BICDL1: variants seen among roughly 807,000 people sequenced by gnomAD.
The protein encoded by BICDL1 is BICD family like cargo adaptor 1.
In BICDL1, 20 loss-of-function variants were observed where a neutral mutation model predicts 76.8. The observed-to-expected ratio is 0.26, with a 90% confidence interval of 0.18 to 0.38. The LOEUF (loss-of-function observed/expected upper bound fraction) is 0.38. Among genes scored for constraint, BICDL1 ranks in the 10% least tolerant of loss-of-function variants. The pLI is 1.00. For synonymous variants in BICDL1, 383 were observed against 337.1 expected (o/e 1.14, Z -1.49); for missense variants, 700 against 798.6 (o/e 0.88, Z 1.49).
rs190742369 is a variant in BICDL1, at chr12:119,990,322, G to A, written c.429+25G>A. The A allele has an allele frequency of 3.6e-5, 55 of 1,549,202 alleles. No homozygotes were observed. The African/African-American group carries it at 5.8e-4, about 16-fold the overall frequency. On this transcript the variant is annotated intron_variant, in intron 1 of 9. Coordinates refer to ENST00000548673, the MANE Select transcript of BICDL1 (RefSeq NM_001367886.1). ...GGTGAGGACCTCCCTCCAGGGATGG[G>A]TGGGGAGCAGGGGCCGCCCAGGCAC...
At chr12:120,027,681 C>T (rs903280294) in intron 2 of BICDL1, among the ~76,000 whole-genome samples, 1 of 152,184 alleles carries the variant, frequency 6.6e-6, no homozygotes, top group Admixed American at 6.5e-5. Context: ...CCAATTTGCA[C>T]TCTGCAGGTG....
intron 2 of BICDL1, among the ~76,000 whole-genome samples, chr12:120,031,170 A>T (rs1159498452): frequency 6.6e-6 from 1 of 150,934 alleles, no homozygotes; most frequent in Admixed American, 6.6e-5. Context: ...AGCACTATAT[A>T]CCTATCACCT....
chr12:120,001,241 T>G (rs564116133), intron 2 of BICDL1, among the ~76,000 whole-genome samples: 1 of 152,198 alleles, frequency 6.6e-6, no homozygotes, highest in East Asian at 1.9e-4. Context: ...GGCCATACTT[T>G]TCTTTTTCTT....
chr12:120,054,287 G>A (rs1387710083), intron 2 of BICDL1, among the ~76,000 whole-genome samples: 2 of 151,848 alleles, frequency 1.3e-5, no homozygotes, highest in East Asian at 3.9e-4. Flanking sequence ...GTTGGCCAGG[G>A]TGGTCTGGAA....
chr12:120,051,488 A>C (rs1952858731), intron 2 of BICDL1, among the ~76,000 whole-genome samples: 1 of 152,108 alleles, frequency 6.6e-6, no homozygotes, highest in Admixed American at 6.5e-5. Flanking sequence ...CCATGGGTAC[A>C]TGTTTGTTTT....
intron 2 of BICDL1, among the ~76,000 whole-genome samples, chr12:120,028,223 G>A (rs926772224): frequency 1.3e-5 from 2 of 152,072 alleles, no homozygotes; most frequent in Admixed American, 1.3e-4. Context: ...TACTGGTTTG[G>A]TAGATCTTCT....
At chr12:120,085,367 G>C (rs1439212502) in intron 8 of BICDL1, among the ~76,000 whole-genome samples, 1 of 152,096 alleles carries the variant, frequency 6.6e-6, no homozygotes, top group Non-Finnish European at 1.5e-5. Flanking sequence ...TTGCACCACT[G>C]CCCTCCAGCT....
chr12:120,027,829 C>T (rs1191000068), intron 2 of BICDL1, among the ~76,000 whole-genome samples: 4 of 152,210 alleles, frequency 2.6e-5, no homozygotes, highest in Non-Finnish European at 5.9e-5. Flanking sequence ...CAGAGGCTAA[C>T]ATCACTTAAC....
chr12:120,082,654 C>T (rs755505688), intron 8 of BICDL1, among the ~76,000 whole-genome samples: 4 of 152,154 alleles, frequency 2.6e-5, no homozygotes, highest in Non-Finnish European at 5.9e-5. Context: ...ACAATCATAG[C>T]TCACTGCAGC....
chr12:120,004,728 C>T (rs1448215841), intron 2 of BICDL1, among the ~76,000 whole-genome samples: 1 of 152,312 alleles, frequency 6.6e-6, no homozygotes, highest in East Asian at 1.9e-4. Context: ...ATAGGGTCGG[C>T]TTCTTAAGGA....
At chr12:120,040,673 C>T (rs1313486229) in intron 2 of BICDL1, among the ~76,000 whole-genome samples, 1 of 152,130 alleles carries the variant, frequency 6.6e-6, no homozygotes, top group East Asian at 1.9e-4. Flanking sequence ...GCCGCAGTCT[C>T]CCAAAGTGCT....
chr12:120,025,360 T>C (rs1313224037), intron 2 of BICDL1, among the ~76,000 whole-genome samples: 1 of 152,090 alleles, frequency 6.6e-6, no homozygotes. Flanking sequence ...GATATTATAC[T>C]TTCTTAGTAC....
At chr12:120,090,109 C>G in intron 9 of BICDL1, 38 bp downstream of exon 9, 4 of 1,608,368 alleles carry the variant, frequency 2.5e-6, no homozygotes, top group Non-Finnish European at 3.4e-6. Flanking sequence ...AGAGGAGACT[C>G]CAGGAGGAAT....
At chr12:119,993,286 A>G (rs1951566373) in intron 1 of BICDL1, 1 of 152,194 alleles carries the variant, frequency 6.6e-6, no homozygotes, top group African/African-American at 2.4e-5. Context: ...TGTCGGGACA[A>G]ACAAGGCATT....
intron 4 of BICDL1, among the ~76,000 whole-genome samples, chr12:120,070,285 A>G (rs139765137): frequency 1.3e-5 from 2 of 152,252 alleles, no homozygotes; most frequent in South Asian, 2.1e-4. Flanking sequence ...TGTATTATTT[A>G]TATTAGCCAT....
intron 2 of BICDL1, among the ~76,000 whole-genome samples, chr12:120,028,858 A>T (rs1420917313): frequency 6.6e-6 from 1 of 152,202 alleles, no homozygotes; most frequent in African/African-American, 2.4e-5. Context: ...CTCTAAACAA[A>T]AAAGAAAAAA....
chr12:120,011,413 T>C (rs554622002), intron 2 of BICDL1, among the ~76,000 whole-genome samples: 1 of 152,304 alleles, frequency 6.6e-6, no homozygotes, highest in South Asian at 2.1e-4. Context: ...TCTAAAGAGA[T>C]TAGAGTGGCT....
chr12:120,041,874 G>T (rs1357285682), intron 2 of BICDL1, among the ~76,000 whole-genome samples: 1 of 152,210 alleles, frequency 6.6e-6, no homozygotes, highest in Non-Finnish European at 1.5e-5. Context: ...ATAAGATTGG[G>T]ATGCAGGGAG....
intron 8 of BICDL1, among the ~76,000 whole-genome samples, chr12:120,088,213 G>A (rs1035734360): frequency 6.6e-6 from 1 of 151,286 alleles, no homozygotes; most frequent in African/African-American, 2.4e-5. Context: ...GATTAGAGGC[G>A]TGAGCCACAG....
Sources: allele counts gnomAD v4.1 joint callset (sites outside exome capture counted in the v4.1 genomes callset), GRCh38; gene constraint gnomAD v4.1.1; transcripts MANE v1.5; gene names NCBI Gene and HGNC (gene_info 2026-07-23, HGNC 2026-07-21).